The following RAD51B variants were observed in gnomAD, a reference collection of about 807,000 sequenced individuals.
RAD51B encodes the protein DNA repair protein RAD51 homolog 2.
A neutral mutation model predicts 42.2 loss-of-function variants in RAD51B; 38 were observed. The ratio of observed to expected loss-of-function variants is 0.90; its 90% CI spans 0.70 to 1.18. The LOEUF is 1.18. Ranked by LOEUF, RAD51B falls within the 50% of genes most tolerant of loss-of-function variation. The pLI is 0.00. For missense variants in RAD51B, 373 were observed against 400.7 expected, an observed-to-expected ratio of 0.93 and a Z score of 0.59; for synonymous variants, 154 against 145.2, an observed-to-expected ratio of 1.06 and a Z score of -0.43.
At chr14:68,393,681 A>G (rs1383736897) in intron 8 of RAD51B, among the ~76,000 whole-genome samples, 1 of 152,198 alleles carries the variant, frequency 6.6e-6, no homozygotes, top group African/African-American at 2.4e-5. Context: ...ATGCATCTAC[A>G]GTGCAAAACG....
At chr14:68,055,047 C>T (rs2140427432) in intron 7 of RAD51B, among the ~76,000 whole-genome samples, 1 of 152,266 alleles carries the variant, frequency 6.6e-6, no homozygotes, top group African/African-American at 2.4e-5. Flanking sequence ...AGAAGAAAAA[C>T]AGTTTGTGTT....
At chr14:68,590,446 C>A (rs866268376) in intron 10 of RAD51B, among the ~76,000 whole-genome samples, 10 of 152,246 alleles carry the variant, frequency 6.6e-5, no homozygotes, top group Admixed American at 4.6e-4. Context: ...TCCCAGTCAC[C>A]TCCCCCGCAG....
At chr14:67,877,481 T>C (rs1319440369) in intron 5 of RAD51B, among the ~76,000 whole-genome samples, 1 of 152,178 alleles carries the variant, frequency 6.6e-6, no homozygotes, top group Non-Finnish European at 1.5e-5. Context: ...TGTTTGACAT[T>C]TGGGCTTTCT....
chr14:67,863,113 A>C (rs1190695765), intron 4 of RAD51B, among the ~76,000 whole-genome samples: 1 of 151,332 alleles, frequency 6.6e-6, no homozygotes, highest in Admixed American at 6.6e-5. Flanking sequence ...TGATCATTGT[A>C]AAGATTATAA....
rs538113353 is a variant in RAD51B, at chr14:68,027,755, T to G, written c.756+140551T>G. On this transcript the variant is annotated intron_variant, in intron 7 of 10. Transcript: ENST00000471583. The stretch of plus-strand genomic sequence containing the variant: ...CTCTTGGATCATTTTACTGGATTCC[T>G]TGGTTGAGGTTTCAACTTTCTGCTG... 4.1e-4 allele frequency among the ~76,000 whole-genome samples: 62 copies of G among 152,342 alleles called. 1 individual carries two copies. Among genetic ancestry groups the G allele is most frequent in the African/African-American group, 1.4e-3 (58 of 41,580 alleles).
chr14:68,293,992 A>G (rs1234785358), intron 8 of RAD51B, among the ~76,000 whole-genome samples: 2 of 152,218 alleles, frequency 1.3e-5, no homozygotes, highest in Non-Finnish European at 2.9e-5. Context: ...GAACATTGTT[A>G]AAAATTGTTA....
At position 68,623,961 on chromosome 14, in the gene RAD51B, T is replaced by C. The variant is rs533762879; in HGVS notation, c.1037-26820T>C. 4.6e-5 allele frequency among the ~76,000 whole-genome samples: 7 copies of C among 151,914 alleles called. No individual in the cohort carries two copies. In the South Asian group the frequency reaches 1.5e-3, roughly 32 times the overall value. On this transcript the variant is annotated intron_variant, in intron 10 of 11. Transcript: ENST00000488612. Reference sequence around the variant, plus strand: ...CCCTCTGGGTTGGAAACACCAGGAGTCTGGAATGTAGCCCAAACACTGGGC... The same window carrying C: ...CCCTCTGGGTTGGAAACACCAGGAGCCTGGAATGTAGCCCAAACACTGGGC...
intron 8 of RAD51B, among the ~76,000 whole-genome samples, chr14:68,307,019 TTTC>T (rs200980572): frequency 0.053 from 4,965 of 93,710 alleles, 241 homozygotes; most frequent in African/African-American, 0.12. Context: ...TTTTTTTTTT[TTTC>T]CCTATCTGGA....
intron 7 of RAD51B, among the ~76,000 whole-genome samples, chr14:68,198,789 C>T (rs2140919993): frequency 6.6e-6 from 1 of 152,310 alleles, no homozygotes; most frequent in East Asian, 1.9e-4. Flanking sequence ...AAGACATTGA[C>T]ACCAGTCTCC....
intron 7 of RAD51B, among the ~76,000 whole-genome samples, chr14:68,071,411 T>C: frequency 6.6e-6 from 1 of 152,164 alleles, no homozygotes; most frequent in East Asian, 1.9e-4. Flanking sequence ...TTGTTGTAAA[T>C]GGTGCTTCTT....
At chr14:68,627,612 G>A (rs1595035664) in intron 10 of RAD51B, among the ~76,000 whole-genome samples, 1 of 152,114 alleles carries the variant, frequency 6.6e-6, no homozygotes, top group African/African-American at 2.4e-5. Flanking sequence ...TCACTTCTAA[G>A]CCTGCCGTTG....
chr14:68,164,387 C>T lies in RAD51B; in HGVS notation c.757-127497C>T, dbSNP rs553743637. Among the ~76,000 whole-genome samples the T allele has an allele frequency of 7.2e-5, 11 of 152,268 alleles. No homozygotes were observed. In the East Asian group the frequency reaches 2.1e-3, roughly 29 times the overall value. On this transcript the variant is annotated intron_variant, in intron 7 of 10. Coordinates refer to ENST00000471583, the MANE Select transcript of RAD51B (RefSeq NM_133510.4). ...ACTGTCTAATAATGGGAGCTGTGGGCTCATAGGCTCTCCTTTTGAATTGTG... is the reference window on the plus strand; with the variant it reads ...ACTGTCTAATAATGGGAGCTGTGGGTTCATAGGCTCTCCTTTTGAATTGTG...
chr14:68,629,222 C>A (rs575104537), intron 10 of RAD51B, among the ~76,000 whole-genome samples: 1 of 152,178 alleles, frequency 6.6e-6, no homozygotes, highest in Non-Finnish European at 1.5e-5. Context: ...GAAGCTGCCC[C>A]GCCTCTTCCC....
At chr14:68,327,382 GTT>G (rs35609139) in intron 8 of RAD51B, among the ~76,000 whole-genome samples, 35 of 142,560 alleles carry the variant, frequency 2.5e-4, no homozygotes, top group Non-Finnish European at 3.2e-4. Context: ...TTTTTTTGTT[GTT>G]TTTTTTTTTT....
intron 4 of RAD51B, among the ~76,000 whole-genome samples, chr14:67,862,956 G>T (rs1194740981): frequency 1.3e-5 from 2 of 151,850 alleles, no homozygotes; most frequent in Non-Finnish European, 2.9e-5. Context: ...ATATTGGAGG[G>T]CTGTACTAAA....
intron 10 of RAD51B, among the ~76,000 whole-genome samples, chr14:68,474,261 C>G (rs1271417032): frequency 1.3e-5 from 2 of 152,138 alleles, no homozygotes; most frequent in African/African-American, 4.8e-5. Context: ...TCCCAAATTG[C>G]TCTCCAAAGA....
intron 1 of RAD51B, among the ~76,000 whole-genome samples, chr14:67,821,155 C>A (rs1051771817): frequency 1.3e-5 from 2 of 152,168 alleles, no homozygotes; most frequent in African/African-American, 4.8e-5. Flanking sequence ...TTCCATAGCA[C>A]TTTTAAATAG....
chr14:67,994,929 G>A (rs746485480), intron 7 of RAD51B, among the ~76,000 whole-genome samples: 2 of 152,104 alleles, frequency 1.3e-5, no homozygotes, highest in Non-Finnish European at 2.9e-5. Flanking sequence ...TGAATATTCA[G>A]CTTTTAAAAG....
intron 10 of RAD51B, among the ~76,000 whole-genome samples, chr14:68,588,486 CG>C (rs929599832): frequency 6.6e-6 from 1 of 152,154 alleles, no homozygotes; most frequent in Admixed American, 6.5e-5. Context: ...TAGCTACCCC[CG>C]TGTGAAATTA....
Sources: gnomAD v4.1 joint callset for allele counts (sites outside exome capture counted in the v4.1 genomes callset) on GRCh38, gnomAD v4.1.1 for gene constraint, MANE v1.5 for transcripts, NCBI Gene and HGNC (gene_info 2026-07-23, HGNC 2026-07-21) for gene names.